SCGN: variants seen among roughly 807,000 people sequenced by gnomAD.
SCGN encodes the protein secretagogin, EF-hand calcium binding protein, also known as secretagogin.
A neutral mutation model predicts 39.7 loss-of-function variants in SCGN; 30 were observed. That is an observed-to-expected ratio of 0.76 (90% CI 0.57 to 1.03). The LOEUF (loss-of-function observed/expected upper bound fraction) is 1.03. SCGN is among the 50% of genes least tolerant of loss of function. SCGN has a pLI of 0.00. For missense variants in SCGN, 353 were observed against 349.4 expected (o/e 1.01, Z -0.08); for synonymous variants, 106 against 114.1 (o/e 0.93, Z 0.45).
chr6:25,694,265 AATTGTCATTG>A (rs1759811406), intron 10 of SCGN, among the ~76,000 whole-genome samples: 1 of 152,232 alleles, frequency 6.6e-6, no homozygotes, highest in African/African-American at 2.4e-5. Flanking sequence ...TCTGCCTTTC[AATTGTCATTG>A]AGTTTGGCAA....
rs568721024 is a variant in SCGN at position 25,665,647 on chromosome 6, A to G, written c.336+615A>G. 3.3e-5 allele frequency among the ~76,000 whole-genome samples: 5 copies of G among 152,338 alleles called. No homozygotes were observed. The East Asian group carries it at 9.6e-4, about 29-fold the overall frequency. ...TGGTGAAAAACAACCAGGGAAGGGC[A>G]GATAAGGGTTTCCCCAAGGCCAGAG... On this transcript the variant is annotated intron_variant, in intron 4 of 10. Transcript: ENST00000377961.
At chr6:25,660,081 G>T (rs1760310757) in intron 2 of SCGN, among the ~76,000 whole-genome samples, 1 of 152,192 alleles carries the variant, frequency 6.6e-6, no homozygotes. Context: ...AGGAAGCCAG[G>T]GGCTAAAGGT....
intron 2 of SCGN, among the ~76,000 whole-genome samples, chr6:25,658,002 CCTTTTTTTTTTTTT>C: frequency 2.1e-5 from 1 of 47,674 alleles, no homozygotes; most frequent in African/African-American, 7.5e-5. Context: ...AGAAAGGTAT[CCTTTTTTTTTTTTT>C]TTTTTTTTTT....
intron 10 of SCGN, among the ~76,000 whole-genome samples, chr6:25,693,451 CAAAAAAAAAAAAA>C (rs11376402): frequency 6.2e-5 from 3 of 48,422 alleles, no homozygotes; most frequent in South Asian, 1.4e-3. Flanking sequence ...GACTCCGTCT[CAAAAAAAAAAAAA>C]AAAAAAAAAA....
chr6:25,676,789 C>T, intron 6 of SCGN, among the ~76,000 whole-genome samples: 1 of 140,974 alleles, frequency 7.1e-6, no homozygotes, highest in Middle Eastern at 3.7e-3. Flanking sequence ...TCTTCCATCC[C>T]CTCTTTCCAA....
intron 2 of SCGN, among the ~76,000 whole-genome samples, chr6:25,654,831 C>T (rs62393711): frequency 0.031 from 4,669 of 152,222 alleles, 84 homozygotes; most frequent in South Asian, 0.098. Context: ...CCTGTGCAGC[C>T]TGTGAAGTGA....
At chr6:25,660,263 C>T (rs141093941) in intron 2 of SCGN, among the ~76,000 whole-genome samples, 1 of 152,150 alleles carries the variant, frequency 6.6e-6, no homozygotes, top group Non-Finnish European at 1.5e-5. Context: ...TAATTCCCCA[C>T]CACAATTCTC....
chr6:25,690,802 G>T (rs529211520), intron 9 of SCGN, among the ~76,000 whole-genome samples: 1 of 152,258 alleles, frequency 6.6e-6, no homozygotes, highest in East Asian at 1.9e-4. Flanking sequence ...TATGTCATAC[G>T]ACTGCAATCT....
intron 9 of SCGN, 135 bp downstream of exon 9, chr6:25,689,667 A>T: frequency 1.4e-6 from 1 of 711,094 alleles, no homozygotes; most frequent in Non-Finnish European, 2.5e-6. Flanking sequence ...TTCTAGGTCA[A>T]GGTACTCTCA....
intron 10 of SCGN, among the ~76,000 whole-genome samples, chr6:25,693,039 A>G (rs1441019255): frequency 6.6e-6 from 1 of 152,204 alleles, no homozygotes; most frequent in African/African-American, 2.4e-5. Flanking sequence ...CTCATCCATT[A>G]TATGGGCACA....
intron 9 of SCGN, 65 bp downstream of exon 9, chr6:25,689,597 G>A: frequency 7.4e-7 from 1 of 1,348,552 alleles, no homozygotes; most frequent in Non-Finnish European, 1.1e-6. Context: ...ACCCCTATGT[G>A]GAGCCATCTT....
At chr6:25,677,181 C>T (rs1202227379) in intron 6 of SCGN, among the ~76,000 whole-genome samples, 2 of 152,212 alleles carry the variant, frequency 1.3e-5, no homozygotes, top group African/African-American at 4.8e-5. Context: ...TCCTATCCCT[C>T]TTTCAGAACT....
chr6:25,694,788 A>G (rs959251230), intron 10 of SCGN, among the ~76,000 whole-genome samples: 1 of 152,218 alleles, frequency 6.6e-6, no homozygotes, highest in African/African-American at 2.4e-5. Context: ...TATAATTTGT[A>G]TGCTGTAGTC....
intron 6 of SCGN, among the ~76,000 whole-genome samples, chr6:25,679,483 GGT>G (rs3034257): frequency 0.39 from 58,545 of 151,692 alleles, 12,118 homozygotes; most frequent in Non-Finnish European, 0.47. Flanking sequence ...CCCGTGGGCA[GGT>G]GTGTGTGTGT....
intron 4 of SCGN, 132 bp downstream of exon 4, chr6:25,665,164 A>C (rs1561762168): frequency 6.2e-6 from 4 of 645,076 alleles, no homozygotes; most frequent in Non-Finnish European, 1.1e-5. Context: ...AAGACCAAGC[A>C]AAAAATGCCT....
intron 3 of SCGN, 36 bp from the exon 4 acceptor site, chr6:25,664,907 C>T (rs766320453): frequency 4.6e-6 from 7 of 1,523,770 alleles, no homozygotes; most frequent in Non-Finnish European, 4.5e-6. Flanking sequence ...GGACACTGGC[C>T]AGTGTCCCTG....
chr6:25,654,358 G>T (rs545978277), intron 2 of SCGN, among the ~76,000 whole-genome samples: 2 of 152,310 alleles, frequency 1.3e-5, no homozygotes, highest in East Asian at 3.9e-4. Flanking sequence ...AAACAAAAGG[G>T]CTGGCTTCCG....
chr6:25,660,872 A>G (rs555807028), intron 2 of SCGN, among the ~76,000 whole-genome samples: 9 of 152,324 alleles, frequency 5.9e-5, no homozygotes, highest in Admixed American at 1.3e-4. Context: ...GAATCTTACA[A>G]TTGGGCACTG....
intron 10 of SCGN, among the ~76,000 whole-genome samples, chr6:25,694,897 T>C (rs1759820165): frequency 6.6e-6 from 1 of 152,174 alleles, no homozygotes; most frequent in African/African-American, 2.4e-5. Flanking sequence ...AAAAGGGCCA[T>C]GGGAGAAGTA....
Sources: allele counts gnomAD v4.1 joint callset (sites outside exome capture counted in the v4.1 genomes callset), GRCh38; gene constraint gnomAD v4.1.1; transcripts MANE v1.5; gene names NCBI Gene and HGNC (gene_info 2026-07-23, HGNC 2026-07-21).